SLC14A2: variants seen among roughly 807,000 people sequenced by gnomAD.
The protein encoded by SLC14A2 is solute carrier family 14 member 2.
SLC14A2 carries 91 observed loss-of-function variants against 104.6 expected under a neutral mutation model. That is an observed-to-expected ratio of 0.87 (90% confidence interval 0.73 to 1.04). The LOEUF (loss-of-function observed/expected upper bound fraction) is 1.04, where lower values mean the gene tolerates loss of function less well. Ranked by LOEUF, SLC14A2 falls within the 50% of genes least tolerant of loss-of-function variation. The pLI is 0.00. For missense variants in SLC14A2, 1,189 were observed against 1,156.0 expected (o/e 1.03, Z -0.41); for synonymous variants, 476 against 466.4 (o/e 1.02, Z -0.27).
intron 1 of SLC14A2, among the ~76,000 whole-genome samples, chr18:45,622,453 A>G (rs1294442026): frequency 6.6e-6 from 1 of 152,132 alleles, no homozygotes; most frequent in Non-Finnish European, 1.5e-5. Flanking sequence ...TGGAACGTCT[A>G]TATGTGAGTG....
intron 1 of SLC14A2, among the ~76,000 whole-genome samples, chr18:45,319,227 A>G (rs893221621): frequency 6.6e-6 from 1 of 152,082 alleles, no homozygotes; most frequent in Non-Finnish European, 1.5e-5. Flanking sequence ...GATGAGGATA[A>G]CCCTACAACC....
chr18:45,656,419 G>A (rs1309651616), intron 10 of SLC14A2, among the ~76,000 whole-genome samples: 1 of 152,232 alleles, frequency 6.6e-6, no homozygotes, highest in African/African-American at 2.4e-5. Context: ...AGGAAAGCCA[G>A]GCAGAGGAAT....
the SLC14A2 span, among the ~76,000 whole-genome samples, chr18:45,171,155 A>G: frequency 2.6e-5 from 4 of 152,134 alleles, no homozygotes; most frequent in African/African-American, 9.7e-5. Flanking sequence ...TAAATAACAG[A>G]TAATTTTTAT....
At chr18:45,285,665 C>A (rs928982673) in intron 1 of SLC14A2, among the ~76,000 whole-genome samples, 3 of 77,720 alleles carry the variant, frequency 3.9e-5, no homozygotes, top group Admixed American at 1.1e-4. Context: ...TGATCTGCCC[C>A]CCCCCCCCCT....
intron 2 of SLC14A2, among the ~76,000 whole-genome samples, chr18:45,535,940 A>G (rs149003013): frequency 8.2e-4 from 125 of 152,336 alleles, no homozygotes; most frequent in African/African-American, 2.9e-3. Context: ...CAACATGGCA[A>G]TGAATGAGCA....
At chr18:45,613,859 G>C (rs909359534), upstream of SLC14A2, among the ~76,000 whole-genome samples, 4 of 152,204 alleles carry the variant, frequency 2.6e-5, no homozygotes, top group African/African-American at 9.6e-5. Flanking sequence ...CATAAAAGTT[G>C]GGAAAATTTG....
intron 1 of SLC14A2, among the ~76,000 whole-genome samples, chr18:45,220,815 G>A (rs773850419): frequency 6.6e-6 from 1 of 152,188 alleles, no homozygotes; most frequent in East Asian, 1.9e-4. Flanking sequence ...TGTGGTTCTC[G>A]AGGCTGGAAG....
chr18:45,276,497 C>T (rs2084704351), intron 1 of SLC14A2, among the ~76,000 whole-genome samples: 1 of 152,172 alleles, frequency 6.6e-6, no homozygotes, highest in East Asian at 1.9e-4. Flanking sequence ...GATAAAACTA[C>T]AGATAATAGC....
intron 1 of SLC14A2, among the ~76,000 whole-genome samples, chr18:45,478,724 A>G (rs1247009076): frequency 1.3e-5 from 2 of 152,050 alleles, no homozygotes; most frequent in Admixed American, 6.6e-5. Flanking sequence ...GACAACACAC[A>G]AGGTTGTGTG....
intron 1 of SLC14A2, among the ~76,000 whole-genome samples, chr18:45,312,746 G>A (rs1432743091): frequency 6.6e-6 from 1 of 152,244 alleles, no homozygotes; most frequent in Non-Finnish European, 1.5e-5. Flanking sequence ...AAGGCTGAGA[G>A]CGTGAAATAA....
intron 2 of SLC14A2, among the ~76,000 whole-genome samples, chr18:45,487,027 T>C (rs1245615126): frequency 6.6e-6 from 1 of 152,236 alleles, no homozygotes; most frequent in Non-Finnish European, 1.5e-5. Context: ...TAATTAATTA[T>C]TGCAAACTTT....
At chr18:45,465,778 C>A (rs750304811) in intron 1 of SLC14A2, among the ~76,000 whole-genome samples, 1 of 152,080 alleles carries the variant, frequency 6.6e-6, no homozygotes, top group Non-Finnish European at 1.5e-5. Flanking sequence ...CAGCCAACTG[C>A]CTGGCTGGCT....
At chr18:45,544,954 G>A (rs981694936) in intron 2 of SLC14A2, among the ~76,000 whole-genome samples, 7 of 151,848 alleles carry the variant, frequency 4.6e-5, no homozygotes, top group African/African-American at 7.2e-5. Flanking sequence ...CACCATGCCC[G>A]GCTAATTTTG....
intron 1 of SLC14A2, chr18:45,447,542 G>A (rs1164712090): frequency 1.3e-5 from 2 of 152,138 alleles, no homozygotes; most frequent in African/African-American, 2.4e-5. Flanking sequence ...CCTATCAGTC[G>A]ACCATCTGTA....
At chr18:45,185,395 G>A in the SLC14A2 span, among the ~76,000 whole-genome samples, 179 of 152,198 alleles carry the variant, frequency 1.2e-3, 1 homozygote, top group African/African-American at 4.1e-3. Context: ...GCCACCTGAG[G>A]CTGGCCAGAG....
upstream of SLC14A2, among the ~76,000 whole-genome samples, chr18:45,208,845 T>G (rs2083936646): frequency 6.6e-6 from 1 of 151,756 alleles, no homozygotes; most frequent in Non-Finnish European, 1.5e-5. Context: ...GTTGCAAAGA[T>G]ATGGTAGTAT....
At chr18:45,229,023 A>G (rs2084148025) in intron 1 of SLC14A2, among the ~76,000 whole-genome samples, 1 of 152,198 alleles carries the variant, frequency 6.6e-6, no homozygotes, top group South Asian at 2.1e-4. Context: ...CTGGTATCCA[A>G]AGGCCCTCTC....
chr18:45,512,243 G>A (rs1399913191), intron 2 of SLC14A2, among the ~76,000 whole-genome samples: 1 of 152,168 alleles, frequency 6.6e-6, no homozygotes, highest in East Asian at 1.9e-4. Context: ...GATGGTGGAG[G>A]TGAGGGTCCC....
chr18:45,499,920 C>G (rs1483895257), intron 2 of SLC14A2, among the ~76,000 whole-genome samples: 1 of 152,200 alleles, frequency 6.6e-6, no homozygotes, highest in Non-Finnish European at 1.5e-5. Context: ...TGTCTCTCTC[C>G]ACGTGCATTA....
Sources: allele counts gnomAD v4.1 joint callset (sites outside exome capture counted in the v4.1 genomes callset), GRCh38; gene constraint gnomAD v4.1.1; transcripts MANE v1.5; gene names NCBI Gene and HGNC (gene_info 2026-07-23, HGNC 2026-07-21).